PEX5L: variants seen among roughly 807,000 people sequenced by gnomAD.
The protein encoded by PEX5L is peroxisomal biogenesis factor 5 like, also known as PEX5-related protein.
Under a neutral mutation model 84.0 loss-of-function variants are expected in PEX5L, and 30 were observed. The observed-to-expected ratio is 0.36, with a 90% confidence interval of 0.27 to 0.48. PEX5L has a LOEUF of 0.48. PEX5L is among the 20% of genes least tolerant of loss of function. The probability of loss-of-function intolerance (pLI) is 0.99; values close to 1 mark genes in which losing one functional copy is unlikely to be tolerated. For synonymous variants in PEX5L, 270 were observed against 283.1 expected, an observed-to-expected ratio of 0.95 and a Z score of 0.46; for missense variants, 533 against 754.6, an observed-to-expected ratio of 0.71 and a Z score of 3.44.
At position 179,976,624 on chromosome 3, in the gene PEX5L, G is replaced by A. The variant is rs561712469; in HGVS notation, c.22-4959C>T. 3.8e-3 allele frequency among the ~76,000 whole-genome samples: 573 copies of A among 152,234 alleles called. 4 individuals carry two copies. The highest frequency in any genetic ancestry group is 6.1e-3 in the Non-Finnish European group (412 of 68,006). On this transcript the variant is annotated intron_variant, in intron 1 of 14. Transcript: ENST00000467460. ...GGCTAATTTTTGTATTTTTAGTAGAGACGGGGTTTTGCCATGTTGGCCAGG... is the reference window on the plus strand; with the variant it reads ...GGCTAATTTTTGTATTTTTAGTAGAAACGGGGTTTTGCCATGTTGGCCAGG...
chr3:179,964,814 A>C (rs1387669413), intron 2 of PEX5L, among the ~76,000 whole-genome samples: 4 of 152,232 alleles, frequency 2.6e-5, no homozygotes, highest in Non-Finnish European at 5.9e-5. Context: ...CTTTCACCTC[A>C]GTACCTGCCA....
chr3:179,875,776 T>C (rs1416877012), intron 5 of PEX5L, among the ~76,000 whole-genome samples: 1 of 152,208 alleles, frequency 6.6e-6, no homozygotes, highest in Non-Finnish European at 1.5e-5. Context: ...CCTGAATTTA[T>C]TTTTGAATCT....
Position 179,802,035 on chromosome 3 carries a change from A to G in PEX5L, c.1677-3T>C. The G allele has an allele frequency of 6.2e-7, 1 of 1,601,468 alleles. No individual in the cohort carries two copies. The highest frequency in any genetic ancestry group is 8.6e-7 in the Non-Finnish European group (1 of 1,168,854). On this transcript the variant is annotated splice_region_variant and splice_polypyrimidine_tract_variant and intron_variant, in intron 14 of 14. Transcript: ENST00000467460. The stretch of plus-strand genomic sequence containing the variant: ...TGAGAAAATTGCTGACCGCTTCTCT[A>G]AGAAGGTAGAAAAACATATTTTAAA...
At chr3:179,929,132 A>C (rs558273154) in intron 2 of PEX5L, among the ~76,000 whole-genome samples, 1 of 152,326 alleles carries the variant, frequency 6.6e-6, no homozygotes, top group South Asian at 2.1e-4. Flanking sequence ...AGGATTACCT[A>C]AACCAAGGGA....
At chr3:179,900,853 G>T in intron 2 of PEX5L, 1 of 654,314 alleles carries the variant, frequency 1.5e-6, no homozygotes, top group Non-Finnish European at 2.7e-6. Context: ...GTGCGGTACA[G>T]TCTGAGGACA....
At chr3:179,900,638 G>A (rs1175668857) in intron 2 of PEX5L, 23 of 1,414,464 alleles carry the variant, frequency 1.6e-5, no homozygotes, top group Non-Finnish European at 2.0e-5. Context: ...AAATACATGC[G>A]GTGCTTTTTA....
intron 7 of PEX5L, among the ~76,000 whole-genome samples, chr3:179,872,399 AC>A (rs1340631040): frequency 1.3e-5 from 2 of 152,242 alleles, no homozygotes; most frequent in Admixed American, 6.5e-5. Flanking sequence ...TTTTAAAAAA[AC>A]AAATAAGAGT....
intron 4 of PEX5L, among the ~76,000 whole-genome samples, chr3:179,886,377 T>C (rs1755861070): frequency 6.6e-6 from 1 of 152,204 alleles, no homozygotes; most frequent in African/African-American, 2.4e-5. Flanking sequence ...GAGCTGAATT[T>C]AGAAAATGAT....
intron 8 of PEX5L, among the ~76,000 whole-genome samples, chr3:179,821,060 T>C (rs1417580241): frequency 1.3e-5 from 2 of 152,168 alleles, no homozygotes; most frequent in Non-Finnish European, 2.9e-5. Flanking sequence ...GGAACCACTT[T>C]GGCCTTGGAT....
intron 7 of PEX5L, among the ~76,000 whole-genome samples, chr3:179,872,342 T>C (rs1750683209): frequency 6.6e-6 from 1 of 152,212 alleles, no homozygotes. Flanking sequence ...TAGGAGATTA[T>C]GAATTTCCTT....
intron 2 of PEX5L, among the ~76,000 whole-genome samples, chr3:179,908,118 G>C (rs1488468590): frequency 1.3e-5 from 2 of 152,160 alleles, no homozygotes; most frequent in Non-Finnish European, 2.9e-5. Flanking sequence ...TGGCACCTCT[G>C]CTTATCCACA....
chr3:179,939,754 G>GC (rs917898631), intron 2 of PEX5L, among the ~76,000 whole-genome samples: 33 of 152,166 alleles, frequency 2.2e-4, no homozygotes, highest in Non-Finnish European at 2.9e-4. Context: ...GTGCACTCAG[G>GC]CCCCCCCACT....
At chr3:179,937,510 T>G (rs764911399) in intron 2 of PEX5L, among the ~76,000 whole-genome samples, 9 of 152,220 alleles carry the variant, frequency 5.9e-5, no homozygotes, top group Non-Finnish European at 8.8e-5. Context: ...CTGGCCTCCT[T>G]TCATGTAACC....
intron 2 of PEX5L, among the ~76,000 whole-genome samples, chr3:179,922,570 T>G (rs1769895659): frequency 6.6e-6 from 1 of 150,474 alleles, no homozygotes; most frequent in African/African-American, 2.4e-5. Flanking sequence ...CACCTCAGCC[T>G]CCCCAGTAGC....
At chr3:180,027,707 G>A (rs183331214) in intron 1 of PEX5L, among the ~76,000 whole-genome samples, 3 of 152,154 alleles carry the variant, frequency 2.0e-5, no homozygotes, top group Non-Finnish European at 2.9e-5. Flanking sequence ...GTGTGCCAAG[G>A]GTGTCCTTAT....
chr3:180,008,854 G>A (rs551439163), intron 1 of PEX5L, among the ~76,000 whole-genome samples: 82 of 152,266 alleles, frequency 5.4e-4, no homozygotes, highest in Admixed American at 5.3e-3. Context: ...TACAATTCAC[G>A]AAGAGAATAT....
At position 179,800,460 on chromosome 3, in the gene PEX5L, C is replaced by CA. The variant is rs1347635690; in HGVS notation, c.*1367dup. On this transcript the variant is annotated 3_prime_UTR_variant, in exon 15 of 15. Coordinates refer to ENST00000467460, the MANE Select transcript of PEX5L (RefSeq NM_016559.3). The stretch of plus-strand genomic sequence containing the variant: ...AAATTATATTCTGATTAGCATTTTG[C>CA]AAAAAATGTTCCTAATTCTTTAAAA... The CA allele has an allele frequency of 1.3e-5, 2 of 151,994 alleles. No homozygotes were observed. The highest frequency in any genetic ancestry group is 4.8e-5 in the African/African-American group (2 of 41,396). 9.4% of individuals were successfully genotyped at this position (151,994 alleles called of 1,614,324 possible).
chr3:179,984,002 CCATT>C (rs1786574327), intron 1 of PEX5L, among the ~76,000 whole-genome samples: 1 of 151,978 alleles, frequency 6.6e-6, no homozygotes, highest in Non-Finnish European at 1.5e-5. Flanking sequence ...AGTTAAAGAT[CCATT>C]CAAAGTGTAA....
intron 7 of PEX5L, among the ~76,000 whole-genome samples, chr3:179,865,712 A>G (rs1440625810): frequency 6.6e-6 from 1 of 152,144 alleles, no homozygotes; most frequent in Non-Finnish European, 1.5e-5. Context: ...TGGGCACTGG[A>G]ATCACTGGAA....
Sources: gnomAD v4.1 joint callset for allele counts (sites outside exome capture counted in the v4.1 genomes callset) on GRCh38, gnomAD v4.1.1 for gene constraint, MANE v1.5 for transcripts, NCBI Gene and HGNC (gene_info 2026-07-23, HGNC 2026-07-21) for gene names.